The following PDE6B variants were observed in gnomAD, a reference collection of about 807,000 sequenced individuals.
PDE6B encodes phosphodiesterase 6B.
In PDE6B, 106 loss-of-function variants were observed where a neutral mutation model predicts 109.0. The observed-to-expected ratio is 0.97, with a 90% CI of 0.83 to 1.14. The LOEUF (loss-of-function observed/expected upper bound fraction) is 1.14, where lower values mean the gene tolerates loss of function less well. Ranked by LOEUF, PDE6B falls within the 50% of genes most tolerant of loss-of-function variation. PDE6B has a pLI of 0.00. For synonymous variants in PDE6B, 490 were observed against 471.3 expected, an observed-to-expected ratio of 1.04 and a Z score of -0.51; for missense variants, 1,193 against 1,155.6, an observed-to-expected ratio of 1.03 and a Z score of -0.47.
chr4:653,350 C>T, intron 3 of PDE6B: 1 of 1,085,386 alleles, frequency 9.2e-7, no homozygotes, highest in Non-Finnish European at 1.1e-6. Flanking sequence ...AGCGCTGACC[C>T]AGCAACCAGG....
In PDE6B at chr4:636,956, G is replaced by A. The variant is rs1734715076; in HGVS notation, c.711+987G>A. On this transcript the variant is annotated intron_variant, in intron 3 of 21. Transcript: ENST00000496514. This position sits in a 1 kb window ranked among gnomAD's most constrained non-coding sequence, Gnocchi z 4.5. ...AGGCCTCTCACGGCCAGGGCCGTGG[G>A]AACCAGGGACCAGGGAGAGCATCTG... Among the ~76,000 whole-genome samples, 1 of 152,240 alleles carries A rather than the reference G, an allele frequency of 6.6e-6. No homozygotes were observed. Among genetic ancestry groups the A allele is most frequent in the Non-Finnish European group, 1.5e-5 (1 of 68,044 alleles).
At chr4:642,725 C>CAAAAAAAAAAAAAAAAAAAAAAAAA (rs71636506) in intron 3 of PDE6B, among the ~76,000 whole-genome samples, 8 of 43,332 alleles carry the variant, frequency 1.8e-4, no homozygotes, top group Middle Eastern at 0.014. Context: ...GACACTGTCT[C>CAAAAAAAAAAAAAAAAAAAAAAAAA]AAAAAAAAAA....
chr4:642,475 G>GA (rs368570171), intron 3 of PDE6B, among the ~76,000 whole-genome samples: 61 of 149,136 alleles, frequency 4.1e-4, no homozygotes, highest in African/African-American at 1.4e-3. Flanking sequence ...AACTCCGTCT[G>GA]AAAAAAAACA....
In PDE6B at chr4:664,228, G is replaced by A. The variant is rs761148108; in HGVS notation, c.2129+7G>A. 6.6e-6 allele frequency: 10 copies of A among 1,511,536 alleles called. No homozygotes were observed. In the Admixed American group the frequency reaches 1.3e-4, roughly 20 times the overall value. The allele number at this position is 1,511,536 out of a possible 1,614,324, so 93.6% of individuals were successfully genotyped here. A position where few individuals can be genotyped will look rare whatever the true frequency, so the allele number is the denominator to read the frequency against. ...CCCGGAAGGAGATCGTCATGTGAGC[G>A]CGGGCGGAGGGGGCACGAGGGGTCC... On this transcript the variant is annotated splice_region_variant and intron_variant, in intron 17 of 21. Transcript: ENST00000496514.
intron 11 of PDE6B, among the ~76,000 whole-genome samples, 159 bp downstream of exon 11, chr4:659,176 T>C (rs1251485129): frequency 1.3e-5 from 2 of 152,230 alleles, no homozygotes; most frequent in East Asian, 3.8e-4. Context: ...CACCTTAGTG[T>C]ACGTGTGTGT....
chr4:629,075 A>G (rs1332700732), intron 1 of PDE6B, among the ~76,000 whole-genome samples: 4 of 151,956 alleles, frequency 2.6e-5, no homozygotes, highest in Non-Finnish European at 5.9e-5. Flanking sequence ...CCCTCCCAAC[A>G]TGTCAGAAGC....
At position 663,820 on chromosome 4, in the gene PDE6B, C is replaced by T; in HGVS notation, c.1971C>T (p.Ile657=). The T allele has an allele frequency of 6.2e-7, 1 of 1,612,578 alleles. No homozygotes were observed. Among genetic ancestry groups the T allele is most frequent in the South Asian group, 1.1e-5 (1 of 91,084 alleles). The change falls in exon 16 of 22, where the codon ATC becomes ATT. Residue 657 remains isoleucine, a synonymous_variant. Coordinates refer to ENST00000496514, the MANE Select transcript of PDE6B (RefSeq NM_000283.4). The surrounding 1 kb of genome is among the most constrained non-coding windows in gnomAD (Gnocchi z 4.0). ...ACCGGCGGCAGCACGAGCACGTGAT[C>T]CACCTGATGGACATCGCCATCATCG... is the stretch of plus-strand genomic sequence containing the variant. ...NLNRRQHEHV[I]HLMDIAIIAT...
chr4:635,824 G>A (rs1324482724), intron 2 of PDE6B, 56 bp from the exon 3 acceptor site: 13 of 916,550 alleles, frequency 1.4e-5, no homozygotes, highest in Non-Finnish European at 2.4e-5. Flanking sequence ...ATACCCACGG[G>A]GGCACATGTC....
In PDE6B at chr4:633,664, G is replaced by A. The variant is rs143725754; in HGVS notation, c.469-1013G>A. Among the ~76,000 whole-genome samples the A allele has an allele frequency of 6.6e-6, 1 of 152,324 alleles. No homozygotes were observed. Among genetic ancestry groups the A allele is most frequent in the Non-Finnish European group, 1.5e-5 (1 of 68,022 alleles). ...TTGCCCCATTGACTGGTGAGGAGAAGGCCACAGAACCACCCTGTGCCCACT... is the reference window on the plus strand; with the variant it reads ...TTGCCCCATTGACTGGTGAGGAGAAAGCCACAGAACCACCCTGTGCCCACT... On this transcript the variant is annotated intron_variant, in intron 1 of 21. Coordinates refer to ENST00000496514, the MANE Select transcript of PDE6B (RefSeq NM_000283.4). The surrounding 1 kb of genome is among the most constrained non-coding windows in gnomAD (Gnocchi z 4.5).
chr4:666,460 G>A lies in PDE6B; in HGVS notation c.2269-71G>A, dbSNP rs1737804243. On this transcript the variant is annotated intron_variant, in intron 19 of 21. Coordinates refer to ENST00000496514, the MANE Select transcript of PDE6B (RefSeq NM_000283.4). The surrounding 1 kb of genome is among the most constrained non-coding windows in gnomAD (Gnocchi z 5.6). The stretch of plus-strand genomic sequence containing the variant: ...ATGAGCACATCTGAGTGAGGGGGTC[G>A]GGGGGCTGGGCGGGGCCCCAGGAGC... 1.1e-5 allele frequency: 11 copies of A among 970,700 alleles called. No homozygotes were observed. The highest frequency in any genetic ancestry group is 3.2e-5 in the African/African-American group (2 of 62,522). 60.1% of individuals were successfully genotyped at this position (970,700 alleles called of 1,614,324 possible).
rs1736701038 is a variant in PDE6B, at chr4:658,974, A to T, written c.1424A>T (p.Lys475Met). 1.1e-5 allele frequency: 17 copies of T among 1,613,408 alleles called. No individual in the cohort carries two copies. Among genetic ancestry groups the T allele is most frequent in the Non-Finnish European group, 1.3e-5 (15 of 1,179,770 alleles). Reference sequence around the variant, plus strand: ...TAGCCAACCAGAGCGCGCCTGGGGAAGGAGCCTGCTGACTGCGATGAGGAC... The same window carrying T: ...TAGCCAACCAGAGCGCGCCTGGGGATGGAGCCTGCTGACTGCGATGAGGAC... Reference protein sequence around the residue: ...LILPTRARLGKEPADCDEDEL... With the variant: ...LILPTRARLGMEPADCDEDEL... Residue 475 changes from lysine to methionine, a missense_variant, in exon 11 of 22, where the codon AAG (lysine) becomes ATG (methionine). Transcript: ENST00000496514.
Position 645,074 on chromosome 4 carries a change from C to G in PDE6B, c.712-8778C>G, listed in dbSNP as rs989059935. 3.2e-4 allele frequency among the ~76,000 whole-genome samples: 49 copies of G among 152,168 alleles called. 1 individual carries two copies. The highest frequency in any genetic ancestry group is 2.9e-3 in the Admixed American group (45 of 15,298). On this transcript the variant is annotated intron_variant, in intron 3 of 21. Coordinates refer to ENST00000496514, the MANE Select transcript of PDE6B (RefSeq NM_000283.4). ...TCATGCCCCTTCCACCAACAATTTT[C>G]CTTGTTCTAAAGTACTCTTTGTCTA...
In PDE6B at chr4:658,892, G is replaced by A. The variant is rs370749360; in HGVS notation, c.1402-60G>A. 298 of 1,235,126 alleles carry A rather than the reference G, an allele frequency of 2.4e-4. 1 individual carries two copies. Among genetic ancestry groups the A allele is most frequent in the East Asian group, 1.9e-3 (80 of 42,912 alleles). The allele number at this position is 1,235,126 out of a possible 1,614,324, so 76.5% of individuals were successfully genotyped here. On this transcript the variant is annotated intron_variant, in intron 10 of 21. Coordinates refer to ENST00000496514, the MANE Select transcript of PDE6B (RefSeq NM_000283.4). Reference sequence around the variant, plus strand: ...CTAGCTCACACGGGGTGGACGCACCGCCGTCACCTTGTCCCACATGCGAAG... The same window carrying A: ...CTAGCTCACACGGGGTGGACGCACCACCGTCACCTTGTCCCACATGCGAAG...
intron 11 of PDE6B, among the ~76,000 whole-genome samples, chr4:659,728 G>C (rs1028074861): frequency 3.3e-5 from 5 of 150,142 alleles, no homozygotes; most frequent in African/African-American, 1.3e-4. Flanking sequence ...GTGCACCCAT[G>C]TGTGTGTGCT....
rs10050278 is a variant in PDE6B, at chr4:636,609, G to A, written c.711+640G>A. ...GGCTCTATGTTGGGGCTGGGAAGCC[G>A]TCCATGCAATGGCCTGGGGGCTGAG... On this transcript the variant is annotated intron_variant, in intron 3 of 21. Coordinates refer to ENST00000496514, the MANE Select transcript of PDE6B (RefSeq NM_000283.4). The surrounding 1 kb of genome is among the most constrained non-coding windows in gnomAD (Gnocchi z 4.5). Among the ~76,000 whole-genome samples, 1,629 of 152,294 alleles carry A rather than the reference G, an allele frequency of 0.011. 27 individuals carry two copies. Among genetic ancestry groups the A allele is most frequent in the African/African-American group, 0.032 (1,339 of 41,552 alleles).
intron 3 of PDE6B, among the ~76,000 whole-genome samples, chr4:651,163 C>T (rs1163447396): frequency 7.0e-6 from 1 of 142,240 alleles, no homozygotes; most frequent in East Asian, 2.1e-4. Context: ...GCTGAGGCGC[C>T]GATGTCAACA....
Position 626,077 on chromosome 4 carries a change from G to A in PDE6B, c.451G>A (p.Val151Ile), listed in dbSNP as rs146599285. Residue 151 changes from valine to isoleucine, a missense_variant, in exon 1 of 22, where the codon GTC becomes ATC. Physicochemically the swap from Val to Ile is conservative, Grantham distance 29. Coordinates refer to ENST00000496514, the MANE Select transcript of PDE6B (RefSeq NM_000283.4). This position sits in a 1 kb window ranked among gnomAD's most constrained non-coding sequence, Gnocchi z 4.6. Reference sequence around the variant, plus strand: ...GGCTCAGACCAAAAAGATGGTGAACGTCGAGGACGTGGCCGAGGTGGGTCT... The same window carrying A: ...GGCTCAGACCAAAAAGATGGTGAACATCGAGGACGTGGCCGAGGTGGGTCT... ...HVAQTKKMVNVEDVAECPHFS... is the reference protein window; with the variant it reads ...HVAQTKKMVNIEDVAECPHFS... 8.8e-6 allele frequency: 14 copies of A among 1,586,236 alleles called. No individual in the cohort carries two copies. Among genetic ancestry groups the A allele is most frequent in the Middle Eastern group, 1.7e-4 (1 of 5,790 alleles).
chr4:655,122 G>C, intron 6 of PDE6B: 1 of 580,938 alleles, frequency 1.7e-6, no homozygotes, highest in Admixed American at 2.9e-5. Flanking sequence ...CTGCTGAGGA[G>C]CCCGAGTCAC....
In PDE6B at chr4:670,197, G is replaced by C; in HGVS notation, c.*90G>C. The C allele has an allele frequency of 6.3e-7, 1 of 1,599,890 alleles. No homozygotes were observed. The stretch of plus-strand genomic sequence containing the variant: ...TGTGGCTATTTGCTACAAGAGGTTA[G>C]GAAGCCCAAGAAAATGACTGAAGAT... On this transcript the variant is annotated 3_prime_UTR_variant, in exon 22 of 22. Coordinates refer to ENST00000496514, the MANE Select transcript of PDE6B (RefSeq NM_000283.4).
Sources: allele counts gnomAD v4.1 joint callset (sites outside exome capture counted in the v4.1 genomes callset), GRCh38; gene constraint gnomAD v4.1.1; non-coding constraint Gnocchi (gnomAD v3.1); transcripts MANE v1.5; gene names NCBI Gene and HGNC (gene_info 2026-07-23, HGNC 2026-07-21).